KAT6A: variants seen among roughly 807,000 people sequenced by gnomAD.
KAT6A encodes histone acetyltransferase KAT6A.
In KAT6A, 9 loss-of-function variants were observed where a neutral mutation model predicts 198.4. The ratio of observed to expected loss-of-function variants is 0.05; its 90% confidence interval spans 0.03 to 0.08. The LOEUF is 0.08. Among genes scored for constraint, KAT6A ranks in the 10% least tolerant of loss-of-function variants. KAT6A has a pLI of 1.00. For missense variants in KAT6A, 2,077 were observed against 2,509.9 expected (o/e 0.83, Z 3.69); for synonymous variants, 890 against 883.0 (o/e 1.01, Z -0.14).
In KAT6A at chr8:41,942,886, C is replaced by T; in HGVS notation, c.2343G>A (p.Val781=). ...PECLRWTPVI[V]SNSVVSEEEE... is the part of the protein sequence containing the mutation. Reference sequence around the variant, plus strand: ...CCTCCTCTGAGACCACAGAGTTGGACACTATGACTGGAGTCCAGCGCAAAC... The same window carrying T: ...CCTCCTCTGAGACCACAGAGTTGGATACTATGACTGGAGTCCAGCGCAAAC... The change falls in exon 14 of 17, where the codon GTG becomes GTA. Residue 781 remains valine, a synonymous_variant. Coordinates refer to ENST00000265713, the MANE Select transcript of KAT6A (RefSeq NM_006766.5). The T allele has an allele frequency of 1.9e-6, 3 of 1,614,168 alleles. No homozygotes were observed. Among genetic ancestry groups the T allele is most frequent in the East Asian group, 2.2e-5 (1 of 44,890 alleles).
chr8:42,024,267 A>G (rs780486864), intron 2 of KAT6A, among the ~76,000 whole-genome samples: 7 of 152,176 alleles, frequency 4.6e-5, no homozygotes, highest in Admixed American at 2.6e-4. Context: ...GTACACTATA[A>G]TGTCTATGAC....
intron 8 of KAT6A, among the ~76,000 whole-genome samples, chr8:41,967,824 T>C (rs1016405227): frequency 7.9e-5 from 12 of 151,926 alleles, no homozygotes; most frequent in African/African-American, 1.2e-4. Context: ...ACGTCGCATA[T>C]CTACAACTAT....
intron 16 of KAT6A, among the ~76,000 whole-genome samples, chr8:41,936,037 G>C (rs1243481460): frequency 1.3e-5 from 2 of 152,138 alleles, no homozygotes; most frequent in Non-Finnish European, 2.9e-5. Flanking sequence ...CAAGGCGGGT[G>C]GATCACTTGA....
intron 8 of KAT6A, among the ~76,000 whole-genome samples, chr8:41,960,337 T>G (rs1443439805): frequency 1.3e-5 from 2 of 152,002 alleles, no homozygotes; most frequent in African/African-American, 4.8e-5. Flanking sequence ...CCCAGCACTT[T>G]GGGAGGCCAA....
chr8:42,022,101 A>G (rs1042833171), intron 2 of KAT6A, among the ~76,000 whole-genome samples: 3 of 152,326 alleles, frequency 2.0e-5, no homozygotes, highest in East Asian at 3.9e-4. Flanking sequence ...TTCAACACAG[A>G]CAATCTTCTT....
rs6998779 is a variant in KAT6A at position 41,941,711 on chromosome 8, T to C, written c.2437-267A>G. ...TGAGGCATGTGGGGTAGAAAAAAAT[T>C]TAAGTAATCTGCCCCAGGTCACGCA... On this transcript the variant is annotated intron_variant, in intron 14 of 16. Coordinates refer to ENST00000265713, the MANE Select transcript of KAT6A (RefSeq NM_006766.5). Among the ~76,000 whole-genome samples, 822 of 152,174 alleles carry C rather than the reference T, an allele frequency of 5.4e-3. 8 individuals are homozygous for C. Among genetic ancestry groups the C allele is most frequent in the African/African-American group, 0.019 (795 of 41,512 alleles).
intron 2 of KAT6A, among the ~76,000 whole-genome samples, chr8:42,045,859 C>A (rs949950474): frequency 3.3e-5 from 5 of 150,148 alleles, no homozygotes; most frequent in Non-Finnish European, 7.4e-5. Context: ...GTGGCGCAAA[C>A]CTATAATCCC....
At chr8:41,961,179 A>G (rs896243369) in intron 8 of KAT6A, among the ~76,000 whole-genome samples, 3 of 152,216 alleles carry the variant, frequency 2.0e-5, no homozygotes, top group African/African-American at 7.2e-5. Context: ...CTACTGCACT[A>G]AACTGGACAA....
chr8:42,048,478 T>C lies in KAT6A; in HGVS notation c.500A>G (p.Tyr167Cys). Residue 167 changes from tyrosine (Y) to cysteine (C), a missense_variant, in exon 2 of 17, where the codon TAT becomes TGT. Tyr to Cys is a radical substitution (Grantham distance 194). Coordinates refer to ENST00000265713, the MANE Select transcript of KAT6A (RefSeq NM_006766.5). ...GTTGGTTGCTTTAGTGTTGAGCCGATAAAGAGGTCCATCTTTAAGGAGTCT... is the reference window on the plus strand; with the variant it reads ...GTTGGTTGCTTTAGTGTTGAGCCGACAAAGAGGTCCATCTTTAAGGAGTCT... ...HGRLLKDGPLYRLNTKATNVD... is the reference protein window; with the variant it reads ...HGRLLKDGPLCRLNTKATNVD... The C allele has an allele frequency of 6.2e-7, 1 of 1,614,210 alleles. No homozygotes were observed. The highest frequency in any genetic ancestry group is 8.5e-7 in the Non-Finnish European group (1 of 1,180,030).
chr8:41,938,532 G>C (rs1821955822), intron 15 of KAT6A, among the ~76,000 whole-genome samples: 1 of 152,130 alleles, frequency 6.6e-6, no homozygotes, highest in African/African-American at 2.4e-5. Flanking sequence ...TTGGAGAAAA[G>C]GCTGATTCTA....
intron 5 of KAT6A, 65 bp from the exon 6 acceptor site, chr8:41,978,842 A>G: frequency 6.8e-7 from 1 of 1,469,036 alleles, no homozygotes; most frequent in Non-Finnish European, 9.4e-7. Context: ...GGTTTCAGAT[A>G]GTCTTAAGTC....
chr8:42,025,447 C>T (rs1377023022), intron 2 of KAT6A, among the ~76,000 whole-genome samples: 3 of 150,986 alleles, frequency 2.0e-5, no homozygotes, highest in African/African-American at 7.3e-5. Flanking sequence ...TCCTACACCT[C>T]AGGTGATCCG....
rs1198242982 is a variant in KAT6A, at chr8:41,941,452, T to C, written c.2437-8A>G. 4 of 1,574,042 alleles carry C rather than the reference T, an allele frequency of 2.5e-6. No homozygotes were observed. The highest frequency in any genetic ancestry group is 2.7e-5 in the African/African-American group (2 of 73,158). On this transcript the variant is annotated splice_polypyrimidine_tract_variant and splice_region_variant and intron_variant, in intron 14 of 16. Transcript: ENST00000265713. ...AGACACAGACTTTCCCACCTGATTT[T>C]AGAAAATAAAACAATGCTGGTTAAT...
rs768420056 is a variant in KAT6A at position 41,934,013 on chromosome 8, T to C, written c.4207A>G (p.Lys1403Glu). The C allele has an allele frequency of 4.3e-6, 7 of 1,614,106 alleles. No homozygotes were observed. The highest frequency in any genetic ancestry group is 5.9e-6 in the Non-Finnish European group (7 of 1,180,016). ...TCTTTTAATTCGATTAACTCTTCCT[T>C]AGTGTGGGAGTCTTCTTCGTGGTCG... ...EDDHEEDSHT[K>E]EELIELKEEE... is the part of the protein sequence containing the mutation. The change falls in exon 17 of 17, where the codon AAG becomes GAG. Residue 1403 changes from lysine to glutamate, a missense_variant. Physicochemically the swap from Lys to Glu is moderately conservative, Grantham distance 56 (BLOSUM62 1). Transcript: ENST00000265713.
chr8:42,036,066 T>C (rs2150924587), intron 2 of KAT6A, among the ~76,000 whole-genome samples: 1 of 152,144 alleles, frequency 6.6e-6, no homozygotes, highest in Middle Eastern at 3.4e-3. Context: ...TAAGCACAGA[T>C]GTATTTAGGA....
At chr8:41,976,163 A>C (rs368040989) in intron 7 of KAT6A, among the ~76,000 whole-genome samples, 12 of 152,314 alleles carry the variant, frequency 7.9e-5, no homozygotes, top group African/African-American at 2.6e-4. Context: ...TCCCTCACCA[A>C]GGAGACATTC....
chr8:41,976,160 C>T (rs1824039707), intron 7 of KAT6A, among the ~76,000 whole-genome samples: 2 of 152,186 alleles, frequency 1.3e-5, no homozygotes, highest in African/African-American at 4.8e-5. Flanking sequence ...CTCTCCCTCA[C>T]CAAGGAGACA....
intron 7 of KAT6A, among the ~76,000 whole-genome samples, chr8:41,976,539 T>C (rs1210058223): frequency 6.6e-6 from 1 of 152,174 alleles, no homozygotes; most frequent in Admixed American, 6.6e-5. Context: ...TTTGTCAAGA[T>C]CTGAAGTAGA....
intron 1 of KAT6A, among the ~76,000 whole-genome samples, chr8:42,051,645 G>A (rs1802662168): frequency 6.9e-6 from 1 of 145,502 alleles, no homozygotes; most frequent in Non-Finnish European, 1.5e-5. Flanking sequence ...GGGGCCGGGC[G>A]GCGGCGCGCG....
Sources: gnomAD v4.1 joint callset for allele counts (sites outside exome capture counted in the v4.1 genomes callset) on GRCh38, gnomAD v4.1.1 for gene constraint, MANE v1.5 for transcripts, NCBI Gene and HGNC (gene_info 2026-07-23, HGNC 2026-07-21) for gene names.